Variants in USP3 observed in about 807,000 individuals in gnomAD.
USP3 encodes the protein ubiquitin carboxyl-terminal hydrolase 3.
Under a neutral mutation model 72.3 loss-of-function variants are expected in USP3, and 20 were observed. The ratio of observed to expected loss-of-function variants is 0.28; its 90% CI spans 0.19 to 0.40. The LOEUF is 0.40. Ranked by LOEUF, USP3 falls within the 10% of genes least tolerant of loss-of-function variation. The pLI is 1.00. For missense variants in USP3, 479 were observed against 633.9 expected (o/e 0.76, Z 2.62); for synonymous variants, 222 against 225.3 (o/e 0.99, Z 0.13).
chr15:63,590,169 A>ATTAT (rs1281360002), intron 14 of USP3, among the ~76,000 whole-genome samples: 2 of 152,102 alleles, frequency 1.3e-5, no homozygotes, highest in African/African-American at 4.8e-5. Context: ...ATGGATCTTT[A>ATTAT]TTATTTAAAT....
chr15:63,544,742 T>C lies in USP3; in HGVS notation c.284+7586T>C. The C allele has an allele frequency of 1.4e-6, 1 of 702,034 alleles. No individual in the cohort carries two copies. The highest frequency in any genetic ancestry group is 2.6e-6 in the Non-Finnish European group (1 of 384,704). The allele number at this position is 702,034 out of a possible 1,614,324, so 43.5% of individuals were successfully genotyped here. Reference sequence around the variant, plus strand: ...AAATACCGAGGGGTAAGAGAGTTCATGGTATATGGGATGAAAGCTTAACTC... The same window carrying C: ...AAATACCGAGGGGTAAGAGAGTTCACGGTATATGGGATGAAAGCTTAACTC... On this transcript the variant is annotated intron_variant, in intron 3 of 14. Coordinates refer to ENST00000380324, the MANE Select transcript of USP3 (RefSeq NM_006537.4). This position sits in a 1 kb window ranked among gnomAD's most constrained non-coding sequence, Gnocchi z 4.2.
chr15:63,555,761 A>C (rs2066497594), intron 4 of USP3, among the ~76,000 whole-genome samples: 1 of 152,234 alleles, frequency 6.6e-6, no homozygotes. Context: ...GGCTACCAGT[A>C]CTGTAAGAGA....
At chr15:63,515,724 T>C (rs1156738410) in intron 1 of USP3, among the ~76,000 whole-genome samples, 3 of 152,270 alleles carry the variant, frequency 2.0e-5, no homozygotes, top group African/African-American at 7.2e-5. Context: ...TGAATTGTTA[T>C]GTTACATCAA....
At position 63,570,363 on chromosome 15, in the gene USP3, C is replaced by T; in HGVS notation, c.762-70C>T. On this transcript the variant is annotated intron_variant, in intron 8 of 14. Transcript: ENST00000380324. The surrounding 1 kb of genome is among the most constrained non-coding windows in gnomAD (Gnocchi z 4.4). ...CTGCCGTCCTTTTCCACGCCTTGGC[C>T]TCTTGCTGGTGTGGCTGGGCACAAA... is the stretch of plus-strand genomic sequence containing the variant. The T allele has an allele frequency of 6.2e-7, 1 of 1,604,308 alleles. No homozygotes were observed. The highest frequency in any genetic ancestry group is 8.5e-7 in the Non-Finnish European group (1 of 1,176,098).
chr15:63,530,494 G>A (rs2066055047), intron 1 of USP3: 1 of 336,312 alleles, frequency 3.0e-6, no homozygotes, highest in Non-Finnish European at 5.9e-6. Context: ...TGTATTTTTT[G>A]TAGAGATGGA....
chr15:63,539,895 T>A (rs1261071757), intron 3 of USP3, among the ~76,000 whole-genome samples: 1 of 152,238 alleles, frequency 6.6e-6, no homozygotes, highest in Non-Finnish European at 1.5e-5. Flanking sequence ...AGATGCAGTT[T>A]AAATTAACAT....
In USP3 at chr15:63,569,320, T is replaced by G. The variant is rs199795659; in HGVS notation, c.762-1113T>G. On this transcript the variant is annotated intron_variant, in intron 8 of 14. Transcript: ENST00000380324. ...AATACTTGAACACATATATTGATATTTAGTTGCCAGCTAGTTTAGAAAAAG... is the reference window on the plus strand; with the variant it reads ...AATACTTGAACACATATATTGATATGTAGTTGCCAGCTAGTTTAGAAAAAG... Among the ~76,000 whole-genome samples the G allele has an allele frequency of 5.3e-5, 8 of 152,322 alleles. No homozygotes were observed. In the East Asian group the frequency reaches 1.5e-3, roughly 29 times the overall value.
chr15:63,526,109 A>C (rs2065977782), intron 1 of USP3, among the ~76,000 whole-genome samples: 1 of 152,142 alleles, frequency 6.6e-6, no homozygotes. Flanking sequence ...TGTTTGAAAA[A>C]CTTTTAACAG....
chr15:63,520,035 C>G (rs1270337502), intron 1 of USP3, among the ~76,000 whole-genome samples: 1 of 152,148 alleles, frequency 6.6e-6, no homozygotes, highest in Non-Finnish European at 1.5e-5. Context: ...TAGCCTGTTG[C>G]AGCCTTGGAA....
intron 11 of USP3, chr15:63,586,522 A>G (rs2067066711): frequency 6.6e-6 from 1 of 152,256 alleles, no homozygotes; most frequent in African/African-American, 2.4e-5. Flanking sequence ...CAGAGCTCAC[A>G]AGCACCATAG....
intron 1 of USP3, among the ~76,000 whole-genome samples, chr15:63,505,153 G>T (rs1055007786): frequency 3.3e-5 from 5 of 151,736 alleles, no homozygotes; most frequent in African/African-American, 1.2e-4. Context: ...CCCTGCCGTG[G>T]CCGGGGGCTG....
chr15:63,580,972 C>G (rs556842771), intron 11 of USP3, among the ~76,000 whole-genome samples: 17 of 152,094 alleles, frequency 1.1e-4, no homozygotes, highest in African/African-American at 4.1e-4. Context: ...CCATGCCCAG[C>G]TAATTTTTGT....
chr15:63,559,598 AT>A (rs1376833648), intron 6 of USP3, among the ~76,000 whole-genome samples: 2 of 152,160 alleles, frequency 1.3e-5, no homozygotes, highest in Non-Finnish European at 2.9e-5. Context: ...AGAATTGGGG[AT>A]TTTTTTGAAA....
chr15:63,531,416 A>G (rs1479086634), intron 1 of USP3, among the ~76,000 whole-genome samples: 2 of 152,224 alleles, frequency 1.3e-5, no homozygotes, highest in Non-Finnish European at 2.9e-5. Context: ...CTGGACAGAA[A>G]TTATGTAAAA....
intron 11 of USP3, among the ~76,000 whole-genome samples, chr15:63,581,109 A>T (rs914999502): frequency 2.0e-5 from 3 of 152,052 alleles, no homozygotes; most frequent in Non-Finnish European, 4.4e-5. Flanking sequence ...CCTGGCTGCT[A>T]ATAGACTCTT....
intron 3 of USP3, among the ~76,000 whole-genome samples, chr15:63,540,681 A>C (rs1449332601): frequency 6.6e-6 from 1 of 152,174 alleles, no homozygotes; most frequent in South Asian, 2.1e-4. Flanking sequence ...GAGCCCAGAG[A>C]GGAAGCATGC....
chr15:63,556,559 G>A, intron 4 of USP3, 108 bp from the exon 5 acceptor site: 1 of 730,170 alleles, frequency 1.4e-6, no homozygotes. Flanking sequence ...AGCAGTCAGG[G>A]AGGTCTCCAT....
intron 1 of USP3, among the ~76,000 whole-genome samples, chr15:63,512,620 T>G (rs1324301665): frequency 6.6e-6 from 1 of 151,936 alleles, no homozygotes; most frequent in African/African-American, 2.4e-5. Flanking sequence ...AATTTTTGTG[T>G]TTTTAGTAGA....
At chr15:63,551,861 G>C (rs2066441785) in intron 3 of USP3, 1 of 152,212 alleles carries the variant, frequency 6.6e-6, no homozygotes, top group African/African-American at 2.4e-5. Context: ...AGGCAAAGCT[G>C]CTGGACCCAA....
Sources: gnomAD v4.1 joint callset for allele counts (sites outside exome capture counted in the v4.1 genomes callset) on GRCh38, gnomAD v4.1.1 for gene constraint, Gnocchi (gnomAD v3.1) non-coding constraint, MANE v1.5 for transcripts, NCBI Gene and HGNC (gene_info 2026-07-23, HGNC 2026-07-21) for gene names.